The following ASB18 variants were observed in gnomAD, a reference collection of about 807,000 sequenced individuals.
The protein encoded by ASB18 is ankyrin repeat and SOCS box protein 18.
A neutral mutation model predicts 33.4 loss-of-function variants in ASB18; 33 were observed. That is an observed-to-expected ratio of 0.99 (90% CI 0.75 to 1.32). The LOEUF (loss-of-function observed/expected upper bound fraction) is 1.32. Ranked by LOEUF, ASB18 falls within the 40% of genes most tolerant of loss-of-function variation. The pLI is 0.00. For synonymous variants in ASB18, 295 were observed against 307.6 expected, an observed-to-expected ratio of 0.96 and a Z score of 0.43; for missense variants, 694 against 655.5, an observed-to-expected ratio of 1.06 and a Z score of -0.64.
In ASB18 at chr2:236,241,114, C is replaced by A. The variant is rs935080326; in HGVS notation, c.328+166G>T. On this transcript the variant is annotated intron_variant, in intron 2 of 5. Transcript: ENST00000409749. The surrounding 1 kb of genome is among the most constrained non-coding windows in gnomAD (Gnocchi z 4.2). Reference sequence around the variant, plus strand: ...CAACTGGATCTCTTATAGGCCATCACCTAAAACCTACACTTTACTGCGAGC... The same window carrying A: ...CAACTGGATCTCTTATAGGCCATCAACTAAAACCTACACTTTACTGCGAGC... Among the ~76,000 whole-genome samples the A allele has an allele frequency of 2.0e-5, 3 of 152,162 alleles. No individual in the cohort carries two copies. The highest frequency in any genetic ancestry group is 6.5e-5 in the Admixed American group (1 of 15,278).
At position 236,252,196 on chromosome 2, in the gene ASB18, A is replaced by G. The variant is rs966981637; in HGVS notation, c.206-10794T>C. 6.6e-6 allele frequency among the ~76,000 whole-genome samples: 1 copy of G among 151,626 alleles called. No individual in the cohort carries two copies. The highest frequency in any genetic ancestry group is 1.5e-5 in the Non-Finnish European group (1 of 67,928). ...TGAGACAGGAGAATTGCTTGAACCC[A>G]GGAGGCAGAGGTTGCAGTGAGCCAA... On this transcript the variant is annotated intron_variant, in intron 1 of 5. Transcript: ENST00000409749. This position sits in a 1 kb window ranked among gnomAD's most constrained non-coding sequence, Gnocchi z 7.9.
chr2:236,226,065 G>C lies in ASB18; in HGVS notation c.597-11199C>G, dbSNP rs2060536193. On this transcript the variant is annotated intron_variant, in intron 3 of 5. Coordinates refer to ENST00000409749, the MANE Select transcript of ASB18 (RefSeq NM_212556.4). This position sits in a 1 kb window ranked among gnomAD's most constrained non-coding sequence, Gnocchi z 4.8. ...AGCTCTTTCTTGTCAAAGTGATAAT[G>C]TTTATACTACCTGAAGCCAGACCTC... 6.6e-6 allele frequency among the ~76,000 whole-genome samples: 1 copy of C among 152,176 alleles called. No individual in the cohort carries two copies. The highest frequency in any genetic ancestry group is 1.5e-5 in the Non-Finnish European group (1 of 68,040).
Position 236,240,545 on chromosome 2 carries a change from T to C in ASB18, c.328+735A>G, listed in dbSNP as rs528206447. ...CTTGGTAAATATGTTGCATCTGAGC[T>C]GGTGGCGGGTGGGGTGCCCAAAGCA... On this transcript the variant is annotated intron_variant, in intron 2 of 5. Transcript: ENST00000409749. 1.7e-3 allele frequency among the ~76,000 whole-genome samples: 263 copies of C among 152,344 alleles called. 1 individual carries two copies. The highest frequency in any genetic ancestry group is 6.2e-3 in the African/African-American group (257 of 41,588).
chr2:236,259,624 G>T lies in ASB18; in HGVS notation c.205+4517C>A. ...GGTGAGCAGAGGAGGTGCAGCCCTG[G>T]CTGGGAGGATCCTGTTGGGATGGGG... On this transcript the variant is annotated intron_variant, in intron 1 of 5. Coordinates refer to ENST00000409749, the MANE Select transcript of ASB18 (RefSeq NM_212556.4). The surrounding 1 kb of genome is among the most constrained non-coding windows in gnomAD (Gnocchi z 4.4). The T allele has an allele frequency of 2.1e-6, 1 of 470,144 alleles. No homozygotes were observed. Among genetic ancestry groups the T allele is most frequent in the South Asian group, 1.6e-5 (1 of 64,360 alleles). 29.1% of individuals were successfully genotyped at this position (470,144 alleles called of 1,614,324 possible).
At position 236,237,789 on chromosome 2, in the gene ASB18, C is replaced by T. The variant is rs1415585357; in HGVS notation, c.496G>A (p.Ala166Thr). 7.0e-7 allele frequency: 1 copy of T among 1,438,692 alleles called. No homozygotes were observed. The highest frequency in any genetic ancestry group is 9.1e-7 in the Non-Finnish European group (1 of 1,100,536). The allele number at this position is 1,438,692 out of a possible 1,614,324, so 89.1% of individuals were successfully genotyped here. Residue 166 changes from alanine to threonine, a missense_variant, in exon 3 of 6, where the codon GCC (alanine) becomes ACC (threonine). Coordinates refer to ENST00000409749, the MANE Select transcript of ASB18 (RefSeq NM_212556.4). This position sits in a 1 kb window ranked among gnomAD's most constrained non-coding sequence, Gnocchi z 6.2. ...TGCTGCAGCAGCAGGCGGACGCAGG[C>T]GGTGTGGCCCCCGAGGCAGGCCTCG... Reference protein sequence around the residue: ...LHEACLGGHTACVRLLLQHRA... With the variant: ...LHEACLGGHTTCVRLLLQHRA...
chr2:236,227,819 C>T (rs115405972), intron 3 of ASB18, among the ~76,000 whole-genome samples: 4,276 of 152,302 alleles, frequency 0.028, 87 homozygotes, highest in Non-Finnish European at 0.045. Context: ...CCATTCTTAA[C>T]CTCCATGCAT....
intron 3 of ASB18, among the ~76,000 whole-genome samples, chr2:236,236,437 C>T (rs1371231519): frequency 6.6e-6 from 1 of 152,136 alleles, no homozygotes; most frequent in Non-Finnish European, 1.5e-5. Context: ...TAAATATCTG[C>T]CCTCCATGGA....
In ASB18 at chr2:236,225,961, C is replaced by T. The variant is rs768531096; in HGVS notation, c.597-11095G>A. Among the ~76,000 whole-genome samples the T allele has an allele frequency of 1.4e-4, 22 of 152,050 alleles. No homozygotes were observed. Among genetic ancestry groups the T allele is most frequent in the Non-Finnish European group, 2.2e-4 (15 of 68,014 alleles). ...TGGAATGGCTCTGTATGTAGGTCAG[C>T]GACCCCCTCTCTACTGTGAGGTAAA... is the stretch of plus-strand genomic sequence containing the variant. On this transcript the variant is annotated intron_variant, in intron 3 of 5. Transcript: ENST00000409749. This position sits in a 1 kb window ranked among gnomAD's most constrained non-coding sequence, Gnocchi z 5.1.
In ASB18 at chr2:236,263,712, A is replaced by G. The variant is rs527833083; in HGVS notation, c.205+429T>C. ...AGGTAACCAAATACTATCTTTTTGT[A>G]GGCATTTGGTTTAAGTATTTCAGTA... On this transcript the variant is annotated intron_variant, in intron 1 of 5. Coordinates refer to ENST00000409749, the MANE Select transcript of ASB18 (RefSeq NM_212556.4). The surrounding 1 kb of genome is among the most constrained non-coding windows in gnomAD (Gnocchi z 4.0). Among the ~76,000 whole-genome samples the G allele has an allele frequency of 1.3e-5, 2 of 152,202 alleles. No homozygotes were observed. Among genetic ancestry groups the G allele is most frequent in the East Asian group, 3.9e-4 (2 of 5,190 alleles).
chr2:236,260,763 C>T lies in ASB18; in HGVS notation c.205+3378G>A, dbSNP rs77145165. Among the ~76,000 whole-genome samples, 10,323 of 152,140 alleles carry T rather than the reference C, an allele frequency of 0.068. 1,064 individuals are homozygous for T. The highest frequency in any genetic ancestry group is 0.22 in the African/African-American group (9,150 of 41,442). On this transcript the variant is annotated intron_variant, in intron 1 of 5. Coordinates refer to ENST00000409749, the MANE Select transcript of ASB18 (RefSeq NM_212556.4). The surrounding 1 kb of genome is among the most constrained non-coding windows in gnomAD (Gnocchi z 5.1). ...GAGGTTCTGGGTTGAGATGAGAAACCGTGCCAAATGCAATTGCAATCCTTA... is the reference window on the plus strand; with the variant it reads ...GAGGTTCTGGGTTGAGATGAGAAACTGTGCCAAATGCAATTGCAATCCTTA...
In ASB18 at chr2:236,216,446, A is replaced by G. The variant is rs2060488336; in HGVS notation, c.597-1580T>C. Among the ~76,000 whole-genome samples the G allele has an allele frequency of 6.6e-6, 1 of 152,054 alleles. No individual in the cohort carries two copies. Among genetic ancestry groups the G allele is most frequent in the Admixed American group, 6.5e-5 (1 of 15,282 alleles). Reference sequence around the variant, plus strand: ...GTTGCCTCCCTCTTCCCCAGGCCTAAGGAAGGCACTCCCTCTTGATCATCT... The same window carrying G: ...GTTGCCTCCCTCTTCCCCAGGCCTAGGGAAGGCACTCCCTCTTGATCATCT... On this transcript the variant is annotated intron_variant, in intron 3 of 5. Transcript: ENST00000409749. The surrounding 1 kb of genome is among the most constrained non-coding windows in gnomAD (Gnocchi z 6.1).
rs908710932 is a variant in ASB18, at chr2:236,241,714, G to A, written c.206-312C>T. Reference sequence around the variant, plus strand: ...AGGGGCATGTGAGCACTGGGATGCCGCAGTACTCAGCCACCCTCTTTGTGA... The same window carrying A: ...AGGGGCATGTGAGCACTGGGATGCCACAGTACTCAGCCACCCTCTTTGTGA... On this transcript the variant is annotated intron_variant, in intron 1 of 5. Coordinates refer to ENST00000409749, the MANE Select transcript of ASB18 (RefSeq NM_212556.4). This position sits in a 1 kb window ranked among gnomAD's most constrained non-coding sequence, Gnocchi z 4.2. Among the ~76,000 whole-genome samples the A allele has an allele frequency of 2.0e-5, 3 of 152,108 alleles. No homozygotes were observed. Among genetic ancestry groups the A allele is most frequent in the Non-Finnish European group, 4.4e-5 (3 of 68,028 alleles).
chr2:236,263,645 C>T lies in ASB18; in HGVS notation c.205+496G>A, dbSNP rs1301735838. Among the ~76,000 whole-genome samples, 1 of 152,124 alleles carries T rather than the reference C, an allele frequency of 6.6e-6. No individual in the cohort carries two copies. Among genetic ancestry groups the T allele is most frequent in the Non-Finnish European group, 1.5e-5 (1 of 68,012 alleles). On this transcript the variant is annotated intron_variant, in intron 1 of 5. Transcript: ENST00000409749. The surrounding 1 kb of genome is among the most constrained non-coding windows in gnomAD (Gnocchi z 4.0). ...AAAAAAGAAAAAAGCCGTATGAATC[C>T]TAATAAAGATGTTCGTTACAGCATT...
chr2:236,238,009 G>A lies in ASB18; in HGVS notation c.329-53C>T. 3 of 1,421,396 alleles carry A rather than the reference G, an allele frequency of 2.1e-6. No homozygotes were observed. Among genetic ancestry groups the A allele is most frequent in the Non-Finnish European group, 1.8e-6 (2 of 1,091,040 alleles). The allele number at this position is 1,421,396 out of a possible 1,614,324, so 88.0% of individuals were successfully genotyped here. Reference sequence around the variant, plus strand: ...TCAGGGGGAGGTTAGTTGTGGTGGTGGTGGGCGGTGTTCCTTAAGGCGGAA... The same window carrying A: ...TCAGGGGGAGGTTAGTTGTGGTGGTAGTGGGCGGTGTTCCTTAAGGCGGAA... On this transcript the variant is annotated intron_variant, in intron 2 of 5. Transcript: ENST00000409749. This position sits in a 1 kb window ranked among gnomAD's most constrained non-coding sequence, Gnocchi z 5.2.
rs550857255 is a variant in ASB18, at chr2:236,206,049, G to C, written c.1101+8313C>G. 3.0e-4 allele frequency among the ~76,000 whole-genome samples: 46 copies of C among 152,290 alleles called. No individual in the cohort carries two copies. The South Asian group carries it at 9.5e-3, about 32-fold the overall frequency. On this transcript the variant is annotated intron_variant, in intron 4 of 5. Transcript: ENST00000409749. ...TGCCAACCAAAAGTTAAGACTTTCA[G>C]TGCAGCTAAGTTTTCTTCTATTATG...
intron 1 of ASB18, among the ~76,000 whole-genome samples, chr2:236,261,230 G>A (rs1443135920): frequency 6.6e-6 from 1 of 152,208 alleles, no homozygotes; most frequent in African/African-American, 2.4e-5. Flanking sequence ...GGTCACACAG[G>A]TCATGGGAGA....
chr2:236,196,061 T>C lies in ASB18; in HGVS notation c.1215+211A>G, dbSNP rs12328175. On this transcript the variant is annotated intron_variant, in intron 5 of 5. Coordinates refer to ENST00000409749, the MANE Select transcript of ASB18 (RefSeq NM_212556.4). This position sits in a 1 kb window ranked among gnomAD's most constrained non-coding sequence, Gnocchi z 5.6. ...CGGGGCTCTGAGCTCCTTGAGGCCA[T>C]GGCACCGCAACTACTATAACAAGCT... is the stretch of plus-strand genomic sequence containing the variant. The C allele has an allele frequency of 0.13, 74,166 of 581,536 alleles. 5,502 individuals are homozygous for C. Among genetic ancestry groups the C allele is most frequent in the African/African-American group, 0.22 (11,578 of 53,076 alleles). 36.0% of individuals were successfully genotyped at this position (581,536 alleles called of 1,614,324 possible).
chr2:236,242,900 G>A (rs913228229), intron 1 of ASB18, among the ~76,000 whole-genome samples: 1 of 151,470 alleles, frequency 6.6e-6, no homozygotes, highest in Non-Finnish European at 1.5e-5. Flanking sequence ...TGCACCTGTG[G>A]TCCCAGCTAT....
chr2:236,250,366 T>TG lies in ASB18; in HGVS notation c.206-8965dup, dbSNP rs957413510. ...ACACCCTGCCATTTTCTCTTGTTCT[T>TG]GGGGAATGGCAAATGTTCAGATTCT... On this transcript the variant is annotated intron_variant, in intron 1 of 5. Coordinates refer to ENST00000409749, the MANE Select transcript of ASB18 (RefSeq NM_212556.4). This position sits in a 1 kb window ranked among gnomAD's most constrained non-coding sequence, Gnocchi z 4.1. 3 of 152,226 alleles carry TG rather than the reference T, an allele frequency of 2.0e-5. No individual in the cohort carries two copies. The highest frequency in any genetic ancestry group is 6.5e-5 in the Admixed American group (1 of 15,284). The allele number at this position is 152,226 out of a possible 1,614,324, so 9.4% of individuals were successfully genotyped here.
Sources: gnomAD v4.1 joint callset for allele counts (sites outside exome capture counted in the v4.1 genomes callset) on GRCh38, gnomAD v4.1.1 for gene constraint, Gnocchi (gnomAD v3.1) non-coding constraint, MANE v1.5 for transcripts, NCBI Gene and HGNC (gene_info 2026-07-23, HGNC 2026-07-21) for gene names.